The following SLC44A5 variants were observed in gnomAD, a reference collection of about 807,000 sequenced individuals.
SLC44A5 encodes the protein choline transporter-like protein 5.
In SLC44A5, 57 loss-of-function variants were observed where a neutral mutation model predicts 101.8. The ratio of observed to expected loss-of-function variants is 0.56; its 90% confidence interval spans 0.45 to 0.70. The LOEUF is 0.70. Among genes scored for constraint, SLC44A5 ranks in the 30% least tolerant of loss-of-function variants. The probability of loss-of-function intolerance (pLI) is 0.00; values close to 1 mark genes in which losing one functional copy is unlikely to be tolerated. For synonymous variants in SLC44A5, 281 were observed against 290.9 expected, an observed-to-expected ratio of 0.97 and a Z score of 0.35; for missense variants, 737 against 853.1, an observed-to-expected ratio of 0.86 and a Z score of 1.70.
At chr1:75,625,393 C>A in the SLC44A5 span, among the ~76,000 whole-genome samples, 19 of 152,108 alleles carry the variant, frequency 1.2e-4, no homozygotes, top group Admixed American at 2.6e-4. Flanking sequence ...GAAGAAAGAT[C>A]CCTTTTCTCT....
intron 2 of SLC44A5, among the ~76,000 whole-genome samples, chr1:75,447,146 G>C (rs1665632762): frequency 6.6e-6 from 1 of 152,156 alleles, no homozygotes; most frequent in Non-Finnish European, 1.5e-5. Flanking sequence ...CACTTCATGT[G>C]TTAAACAGGA....
chr1:75,374,111 A>G (rs1660407023), intron 3 of SLC44A5, among the ~76,000 whole-genome samples: 1 of 152,188 alleles, frequency 6.6e-6, no homozygotes, highest in Non-Finnish European at 1.5e-5. Context: ...TGAATGCAGA[A>G]GGCTTGGGAC....
At chr1:75,680,828 T>G in the SLC44A5 span, among the ~76,000 whole-genome samples, 1 of 87,688 alleles carries the variant, frequency 1.1e-5, no homozygotes, top group East Asian at 2.1e-4. Flanking sequence ...CAGGAGCTGG[T>G]TTTTTGAAAG....
In SLC44A5 at chr1:75,218,739, G is replaced by C; in HGVS notation, c.1280C>G (p.Thr427Ser). 6.2e-7 allele frequency: 1 copy of C among 1,610,946 alleles called. No homozygotes were observed. The highest frequency in any genetic ancestry group is 1.1e-5 in the South Asian group (1 of 90,618). The change falls in exon 17 of 24, where the codon ACT becomes AGT. Residue 427 changes from threonine (T) to serine (S), a missense_variant. Around this residue, in one of 3 missense-constraint regions of SLC44A5, gnomAD observed 665 missense variants for 764.4 expected, o/e 0.87. Transcript: ENST00000370859. ...QTCDPEIFNT[T>S]EIAKACPGAL... is the part of the protein sequence containing the mutation. ...CCCAGGGCAAGCTTTGGCAATTTCA[G>C]TTGTATTAAAAATCTGCATTGAGAA...
chr1:75,662,780 G>A, the SLC44A5 span, among the ~76,000 whole-genome samples: 9 of 152,168 alleles, frequency 5.9e-5, no homozygotes, highest in Middle Eastern at 3.4e-3. Flanking sequence ...TTCTCTCAAT[G>A]TGTACCTCAG....
intron 5 of SLC44A5, among the ~76,000 whole-genome samples, chr1:75,293,659 G>C (rs759989122): frequency 6.6e-6 from 1 of 152,172 alleles, no homozygotes; most frequent in Non-Finnish European, 1.5e-5. Context: ...TTTGGAAGCA[G>C]TCCTGTATCT....
intron 2 of SLC44A5, among the ~76,000 whole-genome samples, chr1:75,406,886 G>T (rs201176274): frequency 3.5e-5 from 3 of 85,550 alleles, no homozygotes; most frequent in African/African-American, 1.6e-4. Flanking sequence ...AAGAAATAAA[G>T]GGTATTCAAA....
At chr1:75,648,100 A>T in the SLC44A5 span, among the ~76,000 whole-genome samples, 3 of 152,172 alleles carry the variant, frequency 2.0e-5, no homozygotes, top group Non-Finnish European at 4.4e-5. Context: ...TGGGGAAGGG[A>T]TCACATGGGA....
intron 2 of SLC44A5, among the ~76,000 whole-genome samples, chr1:75,481,435 A>T (rs1285679793): frequency 6.6e-6 from 1 of 152,220 alleles, no homozygotes; most frequent in Non-Finnish European, 1.5e-5. Flanking sequence ...GCTTCTGCAC[A>T]GCAAAAGAAA....
At chr1:75,523,467 C>G (rs773560257) in intron 2 of SLC44A5, among the ~76,000 whole-genome samples, 5 of 151,556 alleles carry the variant, frequency 3.3e-5, no homozygotes, top group Non-Finnish European at 7.4e-5. Flanking sequence ...CACCTAACAC[C>G]ACGCCCAGCT....
chr1:75,294,812 G>A (rs1653834762), intron 5 of SLC44A5, among the ~76,000 whole-genome samples: 1 of 152,144 alleles, frequency 6.6e-6, no homozygotes, highest in Non-Finnish European at 1.5e-5. Context: ...TCCTTTATAT[G>A]TGAAATCTAA....
chr1:75,640,010 CGTT>C, the SLC44A5 span, among the ~76,000 whole-genome samples: 1 of 151,810 alleles, frequency 6.6e-6, no homozygotes, highest in Non-Finnish European at 1.5e-5. Flanking sequence ...ATTTTTAGGT[CGTT>C]GTACTGAAAG....
intron 1 of SLC44A5, among the ~76,000 whole-genome samples, chr1:75,548,199 G>A (rs1392769259): frequency 6.6e-6 from 1 of 152,068 alleles, no homozygotes; most frequent in East Asian, 1.9e-4. Context: ...ACACAGTGGA[G>A]ATTAAGGAGG....
chr1:75,282,990 A>G (rs1652733750), intron 5 of SLC44A5, among the ~76,000 whole-genome samples: 1 of 152,146 alleles, frequency 6.6e-6, no homozygotes, highest in Non-Finnish European at 1.5e-5. Flanking sequence ...TCTTTTTCGT[A>G]TAATGATTTC....
At chr1:75,416,374 T>C (rs1271649379) in intron 2 of SLC44A5, among the ~76,000 whole-genome samples, 1 of 152,160 alleles carries the variant, frequency 6.6e-6, no homozygotes, top group Non-Finnish European at 1.5e-5. Context: ...AACTGGGGCT[T>C]GGGAATCTCT....
chr1:75,423,356 G>C (rs535237654), intron 2 of SLC44A5, among the ~76,000 whole-genome samples: 1 of 152,274 alleles, frequency 6.6e-6, no homozygotes, highest in Admixed American at 6.5e-5. Context: ...CTCGTTATAT[G>C]AATCTTCTAT....
chr1:75,306,540 T>C (rs1313029), intron 4 of SLC44A5, among the ~76,000 whole-genome samples: 10,803 of 151,726 alleles, frequency 0.071, 1,313 homozygotes, highest in African/African-American at 0.25. Context: ...GTAAAATAAA[T>C]CACTAAAAAA....
At chr1:75,551,831 C>A (rs979944901) in intron 1 of SLC44A5, among the ~76,000 whole-genome samples, 2 of 151,982 alleles carry the variant, frequency 1.3e-5, no homozygotes, top group African/African-American at 4.8e-5. Context: ...GTTAGACTCT[C>A]GGTCAACATG....
chr1:75,228,634 T>C (rs1178060439), intron 12 of SLC44A5, among the ~76,000 whole-genome samples: 1 of 151,944 alleles, frequency 6.6e-6, no homozygotes, highest in Non-Finnish European at 1.5e-5. Flanking sequence ...CTTCTTTTCT[T>C]CCAATTCTTG....
Sources: gnomAD v4.1 joint callset for allele counts (sites outside exome capture counted in the v4.1 genomes callset) on GRCh38, gnomAD v4.1.1 for gene constraint, gnomAD v4.1.1 regional missense constraint, MANE v1.5 for transcripts, NCBI Gene and HGNC (gene_info 2026-07-23, HGNC 2026-07-21) for gene names.